Variants in CYP2J2 observed in about 807,000 individuals in gnomAD.
CYP2J2 encodes cytochrome P450 family 2 subfamily J member 2.
In CYP2J2, 41 loss-of-function variants were observed where a neutral mutation model predicts 48.8. That is an observed-to-expected ratio of 0.84 (90% CI 0.66 to 1.09). The LOEUF (loss-of-function observed/expected upper bound fraction) is 1.09. CYP2J2 is among the 50% of genes least tolerant of loss of function. CYP2J2 has a pLI of 0.00. For synonymous variants in CYP2J2, 221 were observed against 227.1 expected (o/e 0.97, Z 0.24); for missense variants, 644 against 617.3 (o/e 1.04, Z -0.46).
intron 6 of CYP2J2, 152 bp downstream of exon 6, chr1:59,907,634 T>G: frequency 1.4e-6 from 1 of 703,752 alleles, no homozygotes; most frequent in Non-Finnish European, 2.3e-6. Context: ...ACAGAAAATA[T>G]GAAGAATGTG....
At position 59,926,694 on chromosome 1, in the gene CYP2J2, G is replaced by A. The variant is rs763159785; in HGVS notation, c.53C>T (p.Pro18Leu). The change falls in exon 1 of 9, where the codon CCT (proline) becomes CTT (leucine). Residue 18 changes from proline (P) to leucine (L), a missense_variant. Physicochemically the swap from Pro to Leu is moderately conservative, Grantham distance 98. Coordinates refer to ENST00000371204, the MANE Select transcript of CYP2J2 (RefSeq NM_000775.4). Reference sequence around the variant, plus strand: ...GACAGTGCCCAGTAGGAGAGTCCGAGGATGGACCACTGCCCAGAGGGCAGC... The same window carrying A: ...GACAGTGCCCAGTAGGAGAGTCCGAAGATGGACCACTGCCCAGAGGGCAGC... ...LAAALWAVVH[P>L]RTLLLGTVAF... 4.3e-6 allele frequency: 7 copies of A among 1,614,142 alleles called. No homozygotes were observed. The highest frequency in any genetic ancestry group is 5.9e-6 in the Non-Finnish European group (7 of 1,180,002).
At chr1:59,931,654 T>G (rs2102147785), upstream of CYP2J2, among the ~76,000 whole-genome samples, 1 of 152,258 alleles carries the variant, frequency 6.6e-6, no homozygotes, top group South Asian at 2.1e-4. Flanking sequence ...AATCAATCAT[T>G]ACTTGTGATT....
At chr1:59,940,305 G>T in the CYP2J2 span, among the ~76,000 whole-genome samples, 1 of 152,146 alleles carries the variant, frequency 6.6e-6, no homozygotes, top group African/African-American at 2.4e-5. Flanking sequence ...TCCTGGACTG[G>T]ATCTTTCCTT....
At chr1:59,960,302 T>C in the CYP2J2 span, among the ~76,000 whole-genome samples, 1 of 152,208 alleles carries the variant, frequency 6.6e-6, no homozygotes, top group African/African-American at 2.4e-5. Flanking sequence ...AGACCAATGC[T>C]ATAGAATTAC....
intron 8 of CYP2J2, among the ~76,000 whole-genome samples, chr1:59,898,823 T>C (rs540567529): frequency 6.6e-6 from 1 of 152,334 alleles, no homozygotes; most frequent in East Asian, 1.9e-4. Context: ...TGGGCTGTTG[T>C]AATGATTAAA....
chr1:59,909,708 A>G, intron 5 of CYP2J2, 76 bp downstream of exon 5: 1 of 1,072,938 alleles, frequency 9.3e-7, no homozygotes, highest in Admixed American at 2.7e-5. Context: ...ATCATATTTT[A>G]CAGCAGCAGT....
intron 5 of CYP2J2, 45 bp downstream of exon 5, chr1:59,909,739 T>C (rs1343060887): frequency 6.8e-7 from 1 of 1,468,554 alleles, no homozygotes; most frequent in Admixed American, 2.3e-5. Context: ...TATACCTCTA[T>C]TTGTGCTCTA....
intron 4 of CYP2J2, among the ~76,000 whole-genome samples, chr1:59,910,755 TC>T (rs531624862): frequency 2.0e-5 from 3 of 151,752 alleles, no homozygotes; most frequent in Non-Finnish European, 2.9e-5. Flanking sequence ...GGTCAACTTC[TC>T]CCCCCTCCCC....
rs755371166 is a variant in CYP2J2 at position 59,900,946 on chromosome 1, C to A, written c.1330+19G>T. On this transcript the variant is annotated intron_variant, in intron 8 of 8. Coordinates refer to ENST00000371204, the MANE Select transcript of CYP2J2 (RefSeq NM_000775.4). ...GAGAGGGGCCCTGGACTCCCACACA[C>A]CTGTTTACTACAACTTACCTATTGA... 1 of 1,611,252 alleles carries A rather than the reference C, an allele frequency of 6.2e-7. No homozygotes were observed. Among genetic ancestry groups the A allele is most frequent in the South Asian group, 1.1e-5 (1 of 90,952 alleles).
chr1:59,908,935 C>G (rs1187364315), intron 5 of CYP2J2, among the ~76,000 whole-genome samples: 1 of 152,202 alleles, frequency 6.6e-6, no homozygotes, highest in Non-Finnish European at 1.5e-5. Context: ...GCATCCAACT[C>G]AGCTTTACTT....
intron 1 of CYP2J2, among the ~76,000 whole-genome samples, chr1:59,924,238 A>G (rs933798929): frequency 6.6e-6 from 1 of 152,214 alleles, no homozygotes; most frequent in African/African-American, 2.4e-5. Flanking sequence ...TGAAATAAAT[A>G]CATTCTTAGA....
Position 59,904,921 on chromosome 1 carries a change from G to A in CYP2J2, c.1141C>T (p.Pro381Ser). The A allele has an allele frequency of 1.2e-6, 2 of 1,613,848 alleles. No homozygotes were observed. Among genetic ancestry groups the A allele is most frequent in the Non-Finnish European group, 1.7e-6 (2 of 1,179,874 alleles). ...GTGGTATCAACTGTCACTTCCCTGG[G>A]AACGTTCAGGGGGATGATGTTGCCC... ...RMGNIIPLNV[P>S]REVTVDTTLA... is the part of the protein sequence containing the mutation. The change falls in exon 7 of 9, where the codon CCC becomes TCC. Residue 381 changes from proline to serine, a missense_variant. Pro to Ser is a moderately conservative substitution (Grantham distance 74, BLOSUM62 -1). Coordinates refer to ENST00000371204, the MANE Select transcript of CYP2J2 (RefSeq NM_000775.4).
At chr1:59,937,734 T>C in the CYP2J2 span, among the ~76,000 whole-genome samples, 2 of 152,164 alleles carry the variant, frequency 1.3e-5, no homozygotes, top group Admixed American at 6.5e-5. Flanking sequence ...TCTAGATTCT[T>C]AGGCATGCTT....
chr1:59,951,767 C>T, the CYP2J2 span, among the ~76,000 whole-genome samples: 1 of 152,176 alleles, frequency 6.6e-6, no homozygotes, highest in African/African-American at 2.4e-5. Context: ...TGTCTTCTCT[C>T]CCGACCTTGC....
rs996715097 is a variant in CYP2J2 at position 59,924,667 on chromosome 1, TA to T, written c.210+1869del. ...TAAAACATAATACAAACAGAGCTGC[TA>T]AAAAACACCTCAGATAAATAAGAAT... On this transcript the variant is annotated intron_variant, in intron 1 of 8. Coordinates refer to ENST00000371204, the MANE Select transcript of CYP2J2 (RefSeq NM_000775.4). Among the ~76,000 whole-genome samples, 18 of 152,012 alleles carry T rather than the reference TA, an allele frequency of 1.2e-4. No individual in the cohort carries two copies. In the East Asian group the frequency reaches 3.5e-3, roughly 29 times the overall value.
At chr1:59,920,211 ATGAT>A (rs1459958029) in intron 1 of CYP2J2, among the ~76,000 whole-genome samples, 1 of 151,152 alleles carries the variant, frequency 6.6e-6, no homozygotes, top group Non-Finnish European at 1.5e-5. Context: ...CCAAACCACA[ATGAT>A]AATAAAAAAC....
At chr1:59,955,239 G>GAT in the CYP2J2 span, among the ~76,000 whole-genome samples, 16 of 107,848 alleles carry the variant, frequency 1.5e-4, no homozygotes, top group African/African-American at 1.4e-4. Context: ...TACGAATAAG[G>GAT]ATATATATAT....
the CYP2J2 span, among the ~76,000 whole-genome samples, chr1:59,955,293 CAT>C: frequency 1.2e-4 from 12 of 98,798 alleles, no homozygotes; most frequent in African/African-American, 5.0e-4. Context: ...TATATATATC[CAT>C]ATATATATAT....
chr1:59,911,681 T>C lies in CYP2J2; in HGVS notation c.611A>G (p.Gln204Arg), dbSNP rs1296850958. ...SITFGERFEYQDSWFQQLLKL... is the reference protein window; with the variant it reads ...SITFGERFEYRDSWFQQLLKL... ...CAGCAGCTGCTGAAACCAACTATCCTGGTACTCAAAGCGTTCTCCGAAGGT... is the reference window on the plus strand; with the variant it reads ...CAGCAGCTGCTGAAACCAACTATCCCGGTACTCAAAGCGTTCTCCGAAGGT... Residue 204 changes from glutamine (Q) to arginine (R), a missense_variant, in exon 4 of 9, where the codon CAG becomes CGG. By Grantham distance (43) the Gln-to-Arg change is conservative. Coordinates refer to ENST00000371204, the MANE Select transcript of CYP2J2 (RefSeq NM_000775.4). 1.9e-6 allele frequency: 3 copies of C among 1,613,728 alleles called. No homozygotes were observed. Among genetic ancestry groups the C allele is most frequent in the South Asian group, 1.1e-5 (1 of 91,030 alleles).
Sources: gnomAD v4.1 joint callset for allele counts (sites outside exome capture counted in the v4.1 genomes callset) on GRCh38, gnomAD v4.1.1 for gene constraint, MANE v1.5 for transcripts, NCBI Gene and HGNC (gene_info 2026-07-23, HGNC 2026-07-21) for gene names.